Variants in QTMAN observed in about 807,000 individuals in gnomAD.
QTMAN encodes the protein tRNA-queuosine alpha-mannosyltransferase.
chr2:144,218,456 G>C, the QTMAN span, among the ~76,000 whole-genome samples: 1 of 152,190 alleles, frequency 6.6e-6, no homozygotes, highest in Non-Finnish European at 1.5e-5. Flanking sequence ...TTATTGGACA[G>C]AAACATTATC....
At chr2:144,040,231 G>A in the QTMAN span, among the ~76,000 whole-genome samples, 1 of 152,064 alleles carries the variant, frequency 6.6e-6, no homozygotes, top group Non-Finnish European at 1.5e-5. Flanking sequence ...ACATGAATAT[G>A]AGCGTGAGAG....
chr2:144,178,711 C>A, the QTMAN span: 5 of 269,670 alleles, frequency 1.9e-5, no homozygotes, highest in South Asian at 1.8e-4. Flanking sequence ...CTCAGGTAGG[C>A]CAGGAACTAG....
chr2:144,143,344 C>G, the QTMAN span, among the ~76,000 whole-genome samples: 1 of 151,874 alleles, frequency 6.6e-6, no homozygotes, highest in Non-Finnish European at 1.5e-5. Context: ...CATGTTATGT[C>G]CACAGGACTG....
At chr2:144,129,981 A>G in the QTMAN span, among the ~76,000 whole-genome samples, 1 of 151,816 alleles carries the variant, frequency 6.6e-6, no homozygotes, top group East Asian at 1.9e-4. Flanking sequence ...CTTTTTGTAA[A>G]TGGATTTGAG....
At chr2:143,974,730 A>G in the QTMAN span, among the ~76,000 whole-genome samples, 1 of 151,430 alleles carries the variant, frequency 6.6e-6, no homozygotes, top group Non-Finnish European at 1.5e-5. Context: ...CATGTTTTCT[A>G]TTGTTTCTTT....
At chr2:144,028,841 C>T in the QTMAN span, among the ~76,000 whole-genome samples, 1 of 152,128 alleles carries the variant, frequency 6.6e-6, no homozygotes, top group Non-Finnish European at 1.5e-5. Context: ...TTGTATTTTG[C>T]TTGCAACACT....
the QTMAN span, among the ~76,000 whole-genome samples, chr2:144,072,914 C>T: frequency 6.6e-6 from 1 of 152,160 alleles, no homozygotes; most frequent in Non-Finnish European, 1.5e-5. Context: ...GAGCTTAAAA[C>T]TTAGTTGGGA....
At chr2:144,320,123 T>A in the QTMAN span, among the ~76,000 whole-genome samples, 1 of 152,244 alleles carries the variant, frequency 6.6e-6, no homozygotes, top group Non-Finnish European at 1.5e-5. Context: ...GAAGATTATA[T>A]GAAGCTAAAT....
chr2:144,074,640 G>C, the QTMAN span, among the ~76,000 whole-genome samples: 8 of 152,272 alleles, frequency 5.3e-5, no homozygotes, highest in South Asian at 1.7e-3. Context: ...CCAGCTCAAT[G>C]ATTTCATTTT....
chr2:144,227,721 G>A, the QTMAN span, among the ~76,000 whole-genome samples: 1 of 152,112 alleles, frequency 6.6e-6, no homozygotes, highest in Non-Finnish European at 1.5e-5. Context: ...AGTATCCAGA[G>A]AGTTTCAAAA....
chr2:144,231,985 C>T, the QTMAN span, among the ~76,000 whole-genome samples: 4 of 151,736 alleles, frequency 2.6e-5, no homozygotes, highest in South Asian at 2.1e-4. Context: ...AAAAAAGTTT[C>T]GCTGGCATGC....
chr2:143,957,404 C>G, the QTMAN span: 2 of 987,620 alleles, frequency 2.0e-6, no homozygotes, highest in Non-Finnish European at 2.8e-6. Flanking sequence ...GAGATGTCAG[C>G]AGTGTCTCAT....
chr2:144,136,389 AAAAGGAAAAGG>A, the QTMAN span, among the ~76,000 whole-genome samples: 36 of 80,756 alleles, frequency 4.5e-4, no homozygotes, highest in South Asian at 8.4e-4. Context: ...AAGGAAAAGG[AAAAGGAAAAGG>A]AAAGGAAAGG....
At chr2:144,156,592 GA>G in the QTMAN span, among the ~76,000 whole-genome samples, 3 of 151,802 alleles carry the variant, frequency 2.0e-5, no homozygotes, top group Non-Finnish European at 2.9e-5. Flanking sequence ...TCACAGAGGG[GA>G]AACATTTAAA....
chr2:144,332,754 G>GCCTCGCACTGCTCCCCACCTC, the QTMAN span, among the ~76,000 whole-genome samples: 1 of 152,036 alleles, frequency 6.6e-6, no homozygotes, highest in Non-Finnish European at 1.5e-5. Flanking sequence ...CTGTCCCCCG[G>GCCTCGCACTGCTCCCCACCTC]CCTCGCACTG....
the QTMAN span, among the ~76,000 whole-genome samples, chr2:144,119,811 G>C: frequency 5.9e-5 from 9 of 151,886 alleles, no homozygotes; most frequent in Admixed American, 3.3e-4. Context: ...TTCTTCACTA[G>C]ATCCTGTGCC....
chr2:144,260,688 A>G, the QTMAN span, among the ~76,000 whole-genome samples: 1 of 152,024 alleles, frequency 6.6e-6, no homozygotes, highest in Non-Finnish European at 1.5e-5. Context: ...TAGGCACTTA[A>G]TAAGAGAAAG....
the QTMAN span, chr2:143,944,186 A>G: frequency 1.3e-5 from 2 of 152,316 alleles, no homozygotes; most frequent in African/African-American, 4.8e-5. Flanking sequence ...AACTTATTTA[A>G]TAACACTCCA....
chr2:144,279,402 C>T, the QTMAN span, among the ~76,000 whole-genome samples: 19 of 150,688 alleles, frequency 1.3e-4, no homozygotes, highest in Admixed American at 8.0e-4. Context: ...GAGCTACAAG[C>T]AAGTACTATA....
Sources: gnomAD v4.1 joint callset for allele counts (sites outside exome capture counted in the v4.1 genomes callset) on GRCh38, gnomAD v4.1.1 for gene constraint, MANE v1.5 for transcripts, NCBI Gene and HGNC (gene_info 2026-07-23, HGNC 2026-07-21) for gene names.